TRPM5: variants seen among roughly 807,000 people sequenced by gnomAD.
TRPM5 encodes the protein MLSN1 and TRP-related.
Under a neutral mutation model 124.9 loss-of-function variants are expected in TRPM5, and 121 were observed. The observed-to-expected ratio is 0.97, with a 90% confidence interval of 0.84 to 1.13. The LOEUF is 1.13. Ranked by LOEUF, TRPM5 falls within the 50% of genes most tolerant of loss-of-function variation. TRPM5 has a pLI of 0.00. For synonymous variants in TRPM5, 781 were observed against 700.5 expected (o/e 1.11, Z -1.81); for missense variants, 1,643 against 1,589.1 (o/e 1.03, Z -0.58).
At position 2,421,750 on chromosome 11, in the gene TRPM5, T is replaced by C. The variant is rs566832558; in HGVS notation, c.298+391A>G. 2.6e-5 allele frequency among the ~76,000 whole-genome samples: 4 copies of C among 152,232 alleles called. No individual in the cohort carries two copies. In the South Asian group the frequency reaches 6.2e-4, roughly 24 times the overall value. ...ACTGCTTCCCCAAGGGGTCCCACCCTGTATACACCCGGGTGCTCTGGTCCC... is the reference window on the plus strand; with the variant it reads ...ACTGCTTCCCCAAGGGGTCCCACCCCGTATACACCCGGGTGCTCTGGTCCC... On this transcript the variant is annotated intron_variant, in intron 2 of 23. Coordinates refer to ENST00000155858, the Ensembl canonical transcript of TRPM5.
chr11:2,407,687 G>A, intron 19 of TRPM5, 72 bp downstream of exon 24: 1 of 1,564,086 alleles, frequency 6.4e-7, no homozygotes, highest in East Asian at 2.3e-5. Flanking sequence ...TTGCAAAGGA[G>A]GCGGTGTTGG....
chr11:2,407,160 CG>C lies in TRPM5; in HGVS notation c.3076del (p.Arg1026GlyfsTer38). On this transcript the variant is annotated frameshift_variant, in exon 20 of 24. Transcript: ENST00000155858. LOFTEE classifies it high-confidence loss of function. The stretch of plus-strand genomic sequence containing the variant: ...GTGCTCAGCCTCCTTCTTGAAGACC[CG>C]GCGGAGCGTCAGGCTCAGGTGGCTG... 6.2e-7 allele frequency: 1 copy of C among 1,610,068 alleles called. No individual in the cohort carries two copies. Among genetic ancestry groups the C allele is most frequent in the Admixed American group, 1.7e-5 (1 of 59,706 alleles).
the TRPM5 span, among the ~76,000 whole-genome samples, chr11:2,431,731 C>T: frequency 3.5e-5 from 5 of 144,226 alleles, no homozygotes; most frequent in East Asian, 9.8e-4. Context: ...GCTCTCATGT[C>T]CTTCCTCAGA....
chr11:2,410,468 C>T (rs555686308), intron 18 of TRPM5, among the ~76,000 whole-genome samples: 80 of 152,156 alleles, frequency 5.3e-4, no homozygotes, highest in Middle Eastern at 3.4e-3. Flanking sequence ...TCCAAGTCTG[C>T]GGCACCCCTC....
exon 5 of TRPM5, chr11:2,418,531 A>G: frequency 6.2e-7 from 1 of 1,610,790 alleles, no homozygotes; most frequent in Non-Finnish European, 8.5e-7. Context: ...CCCTACCTCC[A>G]AGGTGTTGGG....
intron 7 of TRPM5, among the ~76,000 whole-genome samples, chr11:2,416,351 T>A (rs1222669069): frequency 6.6e-6 from 1 of 152,024 alleles, no homozygotes; most frequent in African/African-American, 2.4e-5. Flanking sequence ...AGGACACCCT[T>A]CCTGGATGTT....
chr11:2,418,470 C>T, intron 5 of TRPM5, 57 bp downstream of exon 10: 1 of 1,569,288 alleles, frequency 6.4e-7, no homozygotes, highest in South Asian at 1.2e-5. Context: ...TGCCCAGAAC[C>T]CACCGCACCC....
chr11:2,410,648 C>G (rs112898869), intron 18 of TRPM5: 14 of 452,202 alleles, frequency 3.1e-5, no homozygotes, highest in African/African-American at 8.0e-5. Context: ...CATGGCCAAG[C>G]GGCTCTGACC....
exon 8 of TRPM5, chr11:2,416,002 C>A: frequency 6.3e-7 from 1 of 1,592,360 alleles, no homozygotes; most frequent in Non-Finnish European, 8.5e-7. Flanking sequence ...AGTCCTGAGG[C>A]TCCTGGCTGT....
At chr11:2,405,503 C>T in intron 23 of TRPM5, 24 bp downstream of exon 28, 1 of 1,551,682 alleles carries the variant, frequency 6.4e-7, no homozygotes, top group Non-Finnish European at 8.7e-7. Context: ...CCACCCTCAT[C>T]CCACGCTCCC....
At chr11:2,414,009 G>GGGCGCCCCCCCCCCCCC in intron 12 of TRPM5, 52 bp downstream of exon 17, 5 of 1,023,718 alleles carry the variant, frequency 4.9e-6, no homozygotes, top group South Asian at 1.5e-5. Flanking sequence ...GGCCCAGCTC[G>GGGCGCCCCCCCCCCCCC]CCCGCCCACC....
At chr11:2,428,635 G>A in the TRPM5 span, among the ~76,000 whole-genome samples, 1 of 151,596 alleles carries the variant, frequency 6.6e-6, no homozygotes. The surrounding 1 kb of genome is among the most constrained non-coding windows in gnomAD (Gnocchi z 4.0). Flanking sequence ...GTTGATGAGG[G>A]TGGTGATGAT....
chr11:2,444,393 C>T, the TRPM5 span, among the ~76,000 whole-genome samples: 2 of 152,024 alleles, frequency 1.3e-5, no homozygotes, highest in Admixed American at 1.3e-4. Context: ...CCTGCCCCCG[C>T]TGTGCCGTTC....
At position 2,405,176 on chromosome 11, in the gene TRPM5, G is replaced by A. The variant is rs76173874; in HGVS notation, c.3392-133C>T. ...AGTGAGTCCCCACAGGCCAGCCTGG[G>A]GAAGATGGGGAGCCCAGAGACAACC... On this transcript the variant is annotated intron_variant, in intron 23 of 23. Transcript: ENST00000155858. 7.8e-3 allele frequency: 5,498 copies of A among 702,514 alleles called. 213 individuals carry two copies. The African/African-American group carries it at 0.082, about 11-fold the overall frequency. 43.5% of individuals were successfully genotyped at this position (702,514 alleles called of 1,614,324 possible).
exon 17 of TRPM5, chr11:2,411,714 A>G (rs1850455702): frequency 1.2e-6 from 2 of 1,612,716 alleles, no homozygotes; most frequent in African/African-American, 1.3e-5. Flanking sequence ...CGTGAACACC[A>G]TGAAGTCCAT....
exon 3 of TRPM5, chr11:2,421,163 G>A (rs1333994639): frequency 6.5e-7 from 1 of 1,541,774 alleles, no homozygotes; most frequent in Non-Finnish European, 8.7e-7. Context: ...TGCCTGGCCA[G>A]GCCCACGCGG....
At chr11:2,443,765 C>A in the TRPM5 span, among the ~76,000 whole-genome samples, 2 of 152,130 alleles carry the variant, frequency 1.3e-5, no homozygotes, top group African/African-American at 4.8e-5. This position sits in a 1 kb window ranked among gnomAD's most constrained non-coding sequence, Gnocchi z 5.0. Context: ...TTAGTCCCTG[C>A]CTCAGGGCTG....
exon 9 of TRPM5, chr11:2,415,363 C>G (rs758731438): frequency 1.1e-5 from 18 of 1,588,036 alleles, no homozygotes; most frequent in Non-Finnish European, 1.4e-5. Context: ...TGCAGCCGCC[C>G]ATACGTCAGG....
intron 12 of TRPM5, 83 bp from the exon 18 acceptor site, chr11:2,413,671 G>T: frequency 1.5e-6 from 2 of 1,327,882 alleles, no homozygotes; most frequent in Non-Finnish European, 2.1e-6. Flanking sequence ...CTTCCCCCAG[G>T]TGCCTGGCCC....
Sources: allele counts gnomAD v4.1 joint callset (sites outside exome capture counted in the v4.1 genomes callset), GRCh38; gene constraint gnomAD v4.1.1; non-coding constraint Gnocchi (gnomAD v3.1); transcripts MANE v1.5; gene names NCBI Gene and HGNC (gene_info 2026-07-23, HGNC 2026-07-21).